IL1RAPL2: variants seen among roughly 807,000 people sequenced by gnomAD.
The protein encoded by IL1RAPL2 is X-linked interleukin-1 receptor accessory protein-like 2.
IL1RAPL2 carries 3 observed loss-of-function variants against 44.1 expected under a neutral mutation model. The ratio of observed to expected loss-of-function variants is 0.07; its 90% CI spans 0.03 to 0.18. The LOEUF (loss-of-function observed/expected upper bound fraction) is 0.18, where lower values mean the gene tolerates loss of function less well. IL1RAPL2 is among the 10% of genes least tolerant of loss of function. The pLI is 1.00. For missense variants in IL1RAPL2, 391 were observed against 496.4 expected, an observed-to-expected ratio of 0.79 and a Z score of 2.02; for synonymous variants, 181 against 178.8, an observed-to-expected ratio of 1.01 and a Z score of -0.10.
intron 1 of IL1RAPL2, among the ~76,000 whole-genome samples, chrX:104,623,418 G>T (rs1421225144): frequency 9.0e-6 from 1 of 111,151 alleles, no homozygotes; most frequent in Non-Finnish European, 1.9e-5. Context: ...GTTTGCTCTT[G>T]CTAGTTAAGA....
intron 5 of IL1RAPL2, among the ~76,000 whole-genome samples, chrX:105,412,038 A>G (rs903141248): frequency 9.0e-6 from 1 of 111,512 alleles, no homozygotes; most frequent in African/African-American, 3.2e-5. Flanking sequence ...GAATTAAACA[A>G]CATAGTCCTA....
At chrX:104,760,655 T>C (rs1932412267) in intron 2 of IL1RAPL2, among the ~76,000 whole-genome samples, 2 of 111,912 alleles carry the variant, frequency 1.8e-5, no homozygotes, top group Admixed American at 1.9e-4. Flanking sequence ...TATAGCATAG[T>C]TTGAACTCCT....
intron 6 of IL1RAPL2, among the ~76,000 whole-genome samples, chrX:105,563,414 G>A (rs1488433281): frequency 9.0e-6 from 1 of 111,609 alleles, no homozygotes; most frequent in Non-Finnish European, 1.9e-5. Context: ...TTAGTCCTGT[G>A]AGGCACTAAC....
In IL1RAPL2 at chrX:105,196,210, A is replaced by T. The variant is rs192130664; in HGVS notation, c.356+462A>T. Reference sequence around the variant, plus strand: ...GACAGGAGAATTGCTTGAACCTGGGAGGCAGAGGTTGCAGTGAGCCGAGAT... The same window carrying T: ...GACAGGAGAATTGCTTGAACCTGGGTGGCAGAGGTTGCAGTGAGCCGAGAT... On this transcript the variant is annotated intron_variant, in intron 3 of 10. Transcript: ENST00000372582. Among the ~76,000 whole-genome samples the T allele has an allele frequency of 3.4e-3, 380 of 111,021 alleles. 1 individual carries two copies. Among genetic ancestry groups the T allele is most frequent in the Non-Finnish European group, 6.0e-3 (318 of 52,962 alleles).
intron 2 of IL1RAPL2, among the ~76,000 whole-genome samples, chrX:104,763,027 C>T (rs1204879326): frequency 2.7e-5 from 3 of 112,341 alleles, no homozygotes; most frequent in African/African-American, 9.7e-5. Context: ...TGAATTTCTC[C>T]CCAGAAAATT....
chrX:105,073,170 A>C (rs1184006221), intron 2 of IL1RAPL2, among the ~76,000 whole-genome samples: 8 of 93,468 alleles, frequency 8.6e-5, no homozygotes, highest in African/African-American at 2.8e-4. Context: ...CATTAGGTAT[A>C]TCTCCTAATG....
intron 2 of IL1RAPL2, among the ~76,000 whole-genome samples, chrX:104,812,970 A>T (rs1348905800): frequency 8.9e-6 from 1 of 111,994 alleles, no homozygotes; most frequent in African/African-American, 3.2e-5. Flanking sequence ...AAAATTAAGA[A>T]TTAGCAAAAT....
intron 2 of IL1RAPL2, among the ~76,000 whole-genome samples, chrX:104,673,038 T>G (rs1038505317): frequency 7.2e-5 from 8 of 111,639 alleles, no homozygotes; most frequent in Admixed American, 4.8e-4. Context: ...TTTCTCCCAT[T>G]TTGTAGGTTG....
At chrX:104,864,814 G>A (rs1252614770) in intron 2 of IL1RAPL2, among the ~76,000 whole-genome samples, 2 of 111,714 alleles carry the variant, frequency 1.8e-5, no homozygotes, top group South Asian at 3.8e-4. Flanking sequence ...TGTGCAGTGG[G>A]GAAAGGAGAA....
At chrX:105,561,182 A>G (rs1027017844) in intron 6 of IL1RAPL2, among the ~76,000 whole-genome samples, 13 of 111,489 alleles carry the variant, frequency 1.2e-4, no homozygotes, top group Non-Finnish European at 2.1e-4. Context: ...GGGGTATTGC[A>G]GTACTCTGAG....
At chrX:104,787,830 T>C (rs1932806591) in intron 2 of IL1RAPL2, among the ~76,000 whole-genome samples, 1 of 111,682 alleles carries the variant, frequency 9.0e-6, no homozygotes, top group African/African-American at 3.3e-5. Context: ...AGAAAAGGGA[T>C]ATATATATAT....
rs539160269 is a variant in IL1RAPL2, at chrX:104,664,508, T to A, written c.82+5513T>A. Among the ~76,000 whole-genome samples the A allele has an allele frequency of 2.1e-3, 237 of 111,616 alleles. 1 individual carries two copies. Among genetic ancestry groups the A allele is most frequent in the African/African-American group, 7.2e-3 (222 of 30,738 alleles). Reference sequence around the variant, plus strand: ...GGGCTCACACCATTAGTCCTCCTTTTCTCCGAGATCACAGCTTAACACTTC... The same window carrying A: ...GGGCTCACACCATTAGTCCTCCTTTACTCCGAGATCACAGCTTAACACTTC... On this transcript the variant is annotated intron_variant, in intron 2 of 10. Coordinates refer to ENST00000372582, the MANE Select transcript of IL1RAPL2 (RefSeq NM_017416.2).
At chrX:104,964,342 C>T (rs1436056014) in intron 2 of IL1RAPL2, among the ~76,000 whole-genome samples, 6 of 108,397 alleles carry the variant, frequency 5.5e-5, no homozygotes, top group East Asian at 5.8e-4. Context: ...GATGGAGTCT[C>T]GCTCTATTGC....
At chrX:104,901,683 G>A in intron 2 of IL1RAPL2, among the ~76,000 whole-genome samples, 1 of 111,197 alleles carries the variant, frequency 9.0e-6, no homozygotes, top group East Asian at 2.9e-4. Flanking sequence ...ATAGAGGGGG[G>A]ACATTGAAAC....
At chrX:105,063,208 TCTG>T (rs902735287) in intron 2 of IL1RAPL2, among the ~76,000 whole-genome samples, 4 of 112,091 alleles carry the variant, frequency 3.6e-5, no homozygotes, top group African/African-American at 1.3e-4. Context: ...TGTGATAAAT[TCTG>T]CTATTAAAAG....
At chrX:104,609,162 G>A (rs1423390163) in intron 1 of IL1RAPL2, among the ~76,000 whole-genome samples, 2 of 112,171 alleles carry the variant, frequency 1.8e-5, no homozygotes, top group African/African-American at 6.5e-5. Context: ...TTTCCTTTAA[G>A]AATGTTGAAT....
At chrX:105,384,984 A>T (rs1409550287) in intron 5 of IL1RAPL2, among the ~76,000 whole-genome samples, 1 of 111,530 alleles carries the variant, frequency 9.0e-6, no homozygotes, top group African/African-American at 3.3e-5. Context: ...TTTGTTTATC[A>T]GTTCTAATAG....
At chrX:104,975,658 A>G (rs1246329900) in intron 2 of IL1RAPL2, among the ~76,000 whole-genome samples, 1 of 112,677 alleles carries the variant, frequency 8.9e-6, no homozygotes, top group Non-Finnish European at 1.9e-5. Flanking sequence ...AGAAATTGGC[A>G]TATAAGCTCC....
chrX:105,565,871 G>A (rs942971367), intron 6 of IL1RAPL2, among the ~76,000 whole-genome samples: 5 of 112,096 alleles, frequency 4.5e-5, no homozygotes, highest in African/African-American at 9.7e-5. Context: ...AAGAAATAAG[G>A]AGAAGAAAAG....
Sources: gnomAD v4.1 joint callset for allele counts (sites outside exome capture counted in the v4.1 genomes callset) on GRCh38, gnomAD v4.1.1 for gene constraint, MANE v1.5 for transcripts, NCBI Gene and HGNC (gene_info 2026-07-23, HGNC 2026-07-21) for gene names.